Variants in SLC44A1 observed in about 807,000 individuals in gnomAD.
SLC44A1 encodes the protein solute carrier family 44 member 1, also known as choline transporter-like protein 1.
Under a neutral mutation model 79.3 loss-of-function variants are expected in SLC44A1, and 26 were observed. The observed-to-expected ratio is 0.33, with a 90% CI of 0.24 to 0.46. The LOEUF (loss-of-function observed/expected upper bound fraction) is 0.46. Ranked by LOEUF, SLC44A1 falls within the 20% of genes least tolerant of loss-of-function variation. The pLI, the probability that SLC44A1 is intolerant of heterozygous loss-of-function variation, is 1.00. For synonymous variants in SLC44A1, 263 were observed against 286.2 expected (o/e 0.92, Z 0.82); for missense variants, 688 against 798.1 (o/e 0.86, Z 1.66).
intron 13 of SLC44A1, among the ~76,000 whole-genome samples, chr9:105,377,272 A>C (rs1828318509): frequency 6.6e-6 from 1 of 152,212 alleles, no homozygotes. Flanking sequence ...AAGCTGAGTA[A>C]AACTACTGGG....
At chr9:105,323,327 G>A (rs958744058) in intron 3 of SLC44A1, among the ~76,000 whole-genome samples, 6 of 151,802 alleles carry the variant, frequency 4.0e-5, no homozygotes, top group African/African-American at 1.5e-4. Flanking sequence ...ACAACATTTA[G>A]AGTTTTTCTA....
At chr9:105,330,126 C>T (rs1274156600) in intron 3 of SLC44A1, among the ~76,000 whole-genome samples, 1 of 152,130 alleles carries the variant, frequency 6.6e-6, no homozygotes, top group African/African-American at 2.4e-5. Flanking sequence ...CTATTTAATT[C>T]CTGTCACGTG....
intron 13 of SLC44A1, among the ~76,000 whole-genome samples, chr9:105,376,266 C>G (rs1828279785): frequency 6.6e-6 from 1 of 151,152 alleles, no homozygotes; most frequent in African/African-American, 2.4e-5. Context: ...TTTATCCCTA[C>G]AGCTAAGAAA....
At position 105,342,399 on chromosome 9, in the gene SLC44A1, A is replaced by G. The variant is rs74667626; in HGVS notation, c.407-5959A>G. On this transcript the variant is annotated intron_variant, in intron 4 of 15. Transcript: ENST00000374720. ...TTATCAGATCAAAAAGACATAGCAT[A>G]TAGAGGGTTTGGTACTATCCACAGC... 8.3e-3 allele frequency among the ~76,000 whole-genome samples: 1,259 copies of G among 152,214 alleles called. 36 individuals are homozygous for G. Among genetic ancestry groups the G allele is most frequent in the Admixed American group, 0.048 (741 of 15,280 alleles).
chr9:105,253,688 C>T (rs746792425), intron 1 of SLC44A1, among the ~76,000 whole-genome samples: 26 of 152,102 alleles, frequency 1.7e-4, no homozygotes, highest in African/African-American at 5.3e-4. Context: ...GAGCTATGAT[C>T]GTGCCTGTAT....
At chr9:105,310,189 A>G (rs1831140916) in intron 3 of SLC44A1, among the ~76,000 whole-genome samples, 2 of 151,938 alleles carry the variant, frequency 1.3e-5, no homozygotes, top group Non-Finnish European at 2.9e-5. Context: ...ACTAGTTTTA[A>G]CCCTGTAACA....
At chr9:105,282,909 T>TC (rs1830392501) in intron 1 of SLC44A1, among the ~76,000 whole-genome samples, 1 of 152,188 alleles carries the variant, frequency 6.6e-6, no homozygotes, top group African/African-American at 2.4e-5. Flanking sequence ...TGTGACGATA[T>TC]ATCATCTTCA....
intron 1 of SLC44A1, among the ~76,000 whole-genome samples, chr9:105,261,492 C>T (rs1341466546): frequency 1.3e-5 from 2 of 152,100 alleles, no homozygotes; most frequent in Admixed American, 6.5e-5. Flanking sequence ...ACTGCTTCTG[C>T]CCATTGCAGC....
intron 4 of SLC44A1, among the ~76,000 whole-genome samples, chr9:105,339,585 T>C (rs910359826): frequency 9.2e-5 from 14 of 152,272 alleles, no homozygotes; most frequent in African/African-American, 3.4e-4. Context: ...GTCCCAGAAC[T>C]TTGGGAAACT....
chr9:105,290,024 C>T (rs1830567334), intron 1 of SLC44A1, among the ~76,000 whole-genome samples: 1 of 152,052 alleles, frequency 6.6e-6, no homozygotes, highest in Admixed American at 6.6e-5. Flanking sequence ...CCATGTTGGC[C>T]AGGCTGGTCT....
downstream of SLC44A1, among the ~76,000 whole-genome samples, chr9:105,399,510 T>TA (rs1399977102): frequency 1.2e-5 from 1 of 81,276 alleles, no homozygotes; most frequent in Non-Finnish European, 2.9e-5. Context: ...ACAAGTTGTG[T>TA]AATAAGCAAA....
intron 1 of SLC44A1, among the ~76,000 whole-genome samples, chr9:105,291,678 G>T (rs1358677789): frequency 6.6e-6 from 1 of 152,196 alleles, no homozygotes; most frequent in Non-Finnish European, 1.5e-5. Flanking sequence ...GCCTTCTCAG[G>T]TATAGTGGCT....
rs755664795 is a variant in SLC44A1 at position 105,365,606 on chromosome 9, C to T, written c.1377C>T (p.Ile459=). Residue 459 remains isoleucine (I), a synonymous_variant, in exon 11 of 16, where the codon ATC becomes ATT. Coordinates refer to ENST00000374720, the MANE Select transcript of SLC44A1 (RefSeq NM_080546.5). ...CATTAGTCAAAATTCCGCGAATGAT[C>T]CTTATGTATATTCACAGTCAGCTCA... ...IITLVKIPRM[I]LMYIHSQLKG... 3.7e-6 allele frequency: 6 copies of T among 1,613,544 alleles called. No homozygotes were observed.
intron 15 of SLC44A1, among the ~76,000 whole-genome samples, chr9:105,409,025 TAA>T (rs1376476708): frequency 1.3e-5 from 2 of 152,066 alleles, no homozygotes; most frequent in Non-Finnish European, 2.9e-5. Context: ...CAATTAAACA[TAA>T]GAGAAGACAC....
Position 105,427,142 on chromosome 9 carries a change from A to G in SLC44A1, c.1951-11139A>G, listed in dbSNP as rs532883138. ...GAGGCAGTGTTTCACCATGTTAGCC[A>G]GGCTAGTCTTGAACTCCTGAGCTCA... is the stretch of plus-strand genomic sequence containing the variant. On this transcript the variant is annotated intron_variant, in intron 15 of 15. Transcript: ENST00000374724. 4.6e-5 allele frequency among the ~76,000 whole-genome samples: 7 copies of G among 152,296 alleles called. No homozygotes were observed. In the East Asian group the frequency reaches 1.2e-3, roughly 25 times the overall value.
At chr9:105,366,286 C>G (rs1827938115) in intron 11 of SLC44A1, 60 bp from the exon 12 acceptor site, 3 of 852,416 alleles carry the variant, frequency 3.5e-6, no homozygotes, top group African/African-American at 1.8e-5. Context: ...CGTTTGAAGT[C>G]TTCTATGTGA....
chr9:105,435,153 C>T (rs577178373), intron 15 of SLC44A1, among the ~76,000 whole-genome samples: 6,239 of 135,394 alleles, frequency 0.046, 407 homozygotes, highest in African/African-American at 0.17. Context: ...TTTCAAAAAA[C>T]AAAACAAAAC....
chr9:105,410,756 T>C (rs1374006380), intron 15 of SLC44A1, among the ~76,000 whole-genome samples: 1 of 152,178 alleles, frequency 6.6e-6, no homozygotes, highest in Non-Finnish European at 1.5e-5. Flanking sequence ...AGTAGCATTA[T>C]TCACGATAAC....
intron 1 of SLC44A1, among the ~76,000 whole-genome samples, chr9:105,253,702 G>A (rs947945057): frequency 6.6e-6 from 1 of 152,120 alleles, no homozygotes; most frequent in Non-Finnish European, 1.5e-5. Flanking sequence ...CCTGTATTCC[G>A]GCCTGGGTGG....
Sources: gnomAD v4.1 joint callset for allele counts (sites outside exome capture counted in the v4.1 genomes callset) on GRCh38, gnomAD v4.1.1 for gene constraint, MANE v1.5 for transcripts, NCBI Gene and HGNC (gene_info 2026-07-23, HGNC 2026-07-21) for gene names.